The following EYS variants were observed in gnomAD, a reference collection of about 807,000 sequenced individuals.
EYS encodes the protein protein eyes shut homolog.
EYS carries 250 observed loss-of-function variants against 282.1 expected under a neutral mutation model. The ratio of observed to expected loss-of-function variants is 0.89; its 90% CI spans 0.80 to 0.98. EYS has a LOEUF of 0.98. Ranked by LOEUF, EYS falls within the 50% of genes least tolerant of loss-of-function variation. The pLI is 0.00. For missense variants in EYS, 4,016 were observed against 3,709.0 expected, an observed-to-expected ratio of 1.08 and a Z score of -2.15; for synonymous variants, 1,355 against 1,282.9, an observed-to-expected ratio of 1.06 and a Z score of -1.20.
intron 22 of EYS, among the ~76,000 whole-genome samples, chr6:64,754,996 C>A (rs1772887617): frequency 6.6e-6 from 1 of 152,008 alleles, no homozygotes; most frequent in Admixed American, 6.6e-5. Context: ...CCGAGGAAGT[C>A]AAATTAGCTC....
intron 1 of EYS, among the ~76,000 whole-genome samples, chr6:65,654,828 T>C (rs117241398): frequency 6.6e-6 from 1 of 151,588 alleles, no homozygotes; most frequent in Non-Finnish European, 1.5e-5. Context: ...CACAAAGTGG[T>C]ACCAGAGACC....
rs151229098 is a variant in EYS at position 64,023,796 on chromosome 6, C to A, written c.6726-24613G>T. Among the ~76,000 whole-genome samples, 973 of 152,302 alleles carry A rather than the reference C, an allele frequency of 6.4e-3. 10 individuals are homozygous for A. Among genetic ancestry groups the A allele is most frequent in the African/African-American group, 0.022 (916 of 41,562 alleles). On this transcript the variant is annotated intron_variant, in intron 33 of 42. Transcript: ENST00000503581. ...GTGGAGGGACAGGCGCGGGTGGGAA[C>A]TGGGGCTGTGCCGCGGTGTTTGCGG...
At chr6:65,383,395 A>G (rs1458835492) in intron 8 of EYS, among the ~76,000 whole-genome samples, 1 of 151,786 alleles carries the variant, frequency 6.6e-6, no homozygotes, top group Non-Finnish European at 1.5e-5. Flanking sequence ...TTACAGAAGC[A>G]CTATTGGTTT....
chr6:65,336,190 G>T (rs778701667), intron 10 of EYS, among the ~76,000 whole-genome samples: 4 of 151,674 alleles, frequency 2.6e-5, no homozygotes, highest in Admixed American at 1.3e-4. Context: ...ATAGCAGTGT[G>T]AGAATTGACT....
At chr6:65,209,607 AAG>A (rs1180505879) in intron 12 of EYS, among the ~76,000 whole-genome samples, 4 of 151,906 alleles carry the variant, frequency 2.6e-5, no homozygotes, top group African/African-American at 9.7e-5. Flanking sequence ...AGGCACTGGA[AAG>A]AGTTTCTAAG....
At chr6:65,534,889 G>C (rs1767908969) in intron 2 of EYS, among the ~76,000 whole-genome samples, 2 of 152,074 alleles carry the variant, frequency 1.3e-5, no homozygotes, top group Non-Finnish European at 2.9e-5. Flanking sequence ...TCATTTACCT[G>C]ATTTAGCTGC....
At chr6:64,612,589 A>T (rs1401199446) in intron 24 of EYS, among the ~76,000 whole-genome samples, 1 of 152,164 alleles carries the variant, frequency 6.6e-6, no homozygotes, top group African/African-American at 2.4e-5. Flanking sequence ...TTCACTAATT[A>T]TCAGCTTGTC....
At chr6:64,480,589 C>T (rs1239806883) in intron 26 of EYS, among the ~76,000 whole-genome samples, 1 of 151,744 alleles carries the variant, frequency 6.6e-6, no homozygotes, top group African/African-American at 2.4e-5. Context: ...CAGAATTAAG[C>T]ATTGATTAGT....
chr6:63,926,599 C>T (rs1305506207), intron 35 of EYS, among the ~76,000 whole-genome samples: 1 of 152,162 alleles, frequency 6.6e-6, no homozygotes, highest in Admixed American at 6.5e-5. Flanking sequence ...ATTATCAGTA[C>T]AGGAACTAGA....
intron 22 of EYS, among the ~76,000 whole-genome samples, chr6:64,663,220 G>A (rs1009740561): frequency 4.6e-5 from 7 of 152,074 alleles, no homozygotes; most frequent in Non-Finnish European, 8.8e-5. Flanking sequence ...ATGTATGCTT[G>A]TAAAACAAAA....
chr6:65,663,958 G>A (rs1407815242), intron 1 of EYS, among the ~76,000 whole-genome samples: 7 of 135,742 alleles, frequency 5.2e-5, no homozygotes, highest in Non-Finnish European at 9.1e-5. Flanking sequence ...TGCAAGCTCC[G>A]CCTCACGGGT....
intron 5 of EYS, among the ~76,000 whole-genome samples, chr6:65,410,942 T>C (rs562270364): frequency 1.3e-5 from 2 of 152,150 alleles, no homozygotes. Flanking sequence ...TAAATGAGTT[T>C]TATATTTTCA....
intron 1 of EYS, among the ~76,000 whole-genome samples, chr6:65,677,057 G>T (rs1236768060): frequency 8.0e-6 from 1 of 124,300 alleles, no homozygotes; most frequent in African/African-American, 3.0e-5. Context: ...ATCTCAACAC[G>T]ATGAAGGTAA....
intron 22 of EYS, among the ~76,000 whole-genome samples, chr6:64,682,016 CCT>C (rs1306015950): frequency 2.0e-5 from 3 of 152,174 alleles, no homozygotes; most frequent in Non-Finnish European, 4.4e-5. Flanking sequence ...CACAGATAAG[CCT>C]CTCTGGGCAC....
At chr6:65,038,596 T>C (rs12194237) in intron 13 of EYS, among the ~76,000 whole-genome samples, 51,760 of 151,292 alleles carry the variant, frequency 0.34, 10,892 homozygotes, top group Admixed American at 0.47. Flanking sequence ...TTTATATAAA[T>C]TGTTATTCTT....
chr6:65,326,524 T>A (rs1769626826), intron 11 of EYS, among the ~76,000 whole-genome samples: 1 of 151,574 alleles, frequency 6.6e-6, no homozygotes, highest in Non-Finnish European at 1.5e-5. Context: ...TGTTTTAATA[T>A]CTTTTCTCAT....
intron 28 of EYS, among the ~76,000 whole-genome samples, chr6:64,422,879 T>C (rs559445363): frequency 6.6e-6 from 1 of 152,328 alleles, no homozygotes; most frequent in Admixed American, 6.5e-5. Context: ...ATGTGCATAA[T>C]AAATAGTTCA....
chr6:65,292,783 A>T (rs1379412980), intron 12 of EYS, among the ~76,000 whole-genome samples: 1 of 151,726 alleles, frequency 6.6e-6, no homozygotes, highest in Non-Finnish European at 1.5e-5. Context: ...AGGAAAGGAA[A>T]GGGGCCTATG....
chr6:64,898,818 G>C (rs758581261), intron 18 of EYS, among the ~76,000 whole-genome samples: 3 of 151,130 alleles, frequency 2.0e-5, no homozygotes, highest in Non-Finnish European at 2.9e-5. Flanking sequence ...CCTAGTCTCT[G>C]ACAAAACAGA....
Sources: allele counts gnomAD v4.1 joint callset (sites outside exome capture counted in the v4.1 genomes callset), GRCh38; gene constraint gnomAD v4.1.1; transcripts MANE v1.5; gene names NCBI Gene and HGNC (gene_info 2026-07-23, HGNC 2026-07-21).